Variants in MDGA2 observed in about 807,000 individuals in gnomAD.
MDGA2 encodes MAM domain containing glycosylphosphatidylinositol anchor 2.
MDGA2 carries 40 observed loss-of-function variants against 117.8 expected under a neutral mutation model. The observed-to-expected ratio is 0.34, with a 90% CI of 0.26 to 0.44. The LOEUF (loss-of-function observed/expected upper bound fraction) is 0.44, where lower values mean the gene tolerates loss of function less well. MDGA2 is among the 20% of genes least tolerant of loss of function. MDGA2 has a pLI of 1.00. For missense variants in MDGA2, 1,123 were observed against 1,250.6 expected, an observed-to-expected ratio of 0.90 and a Z score of 1.54; for synonymous variants, 452 against 439.0, an observed-to-expected ratio of 1.03 and a Z score of -0.37.
chr14:47,499,636 C>A (rs115031097), intron 1 of MDGA2, among the ~76,000 whole-genome samples: 2,247 of 152,124 alleles, frequency 0.015, 50 homozygotes, highest in African/African-American at 0.051. Flanking sequence ...CAGCTTCCAG[C>A]AATAGAGATG....
At chr14:47,356,346 T>C (rs1324750954) in intron 1 of MDGA2, among the ~76,000 whole-genome samples, 1 of 152,190 alleles carries the variant, frequency 6.6e-6, no homozygotes, top group Non-Finnish European at 1.5e-5. Flanking sequence ...CCTCAATTGA[T>C]AGTAAAGCCC....
Position 47,674,627 on chromosome 14 carries a change from C to G in MDGA2, c.170G>C (p.Arg57Pro). 6.5e-7 allele frequency: 1 copy of G among 1,533,662 alleles called. No homozygotes were observed. The highest frequency in any genetic ancestry group is 8.8e-7 in the Non-Finnish European group (1 of 1,131,352). The part of the protein sequence containing the change: ...LAAGLLKVPL[R>P]TPWAGYVHVH... Reference sequence around the variant, plus strand: ...ATGAACATATCCAGCCCAGGGGGTACGCAACGGGACCTTCAGGAGGCCGGC... The same window carrying G: ...ATGAACATATCCAGCCCAGGGGGTAGGCAACGGGACCTTCAGGAGGCCGGC... Residue 57 changes from arginine to proline, a missense_variant, in exon 1 of 17, where the codon CGT becomes CCT. By Grantham distance (103) the Arg-to-Pro change is moderately radical. Around this residue, in one of 2 missense-constraint regions of MDGA2, gnomAD observed 233 missense variants for 200.3 expected, o/e 1.16. Transcript: ENST00000399232.
chr14:46,965,313 ACT>A (rs140233463), intron 8 of MDGA2, among the ~76,000 whole-genome samples: 2 of 151,458 alleles, frequency 1.3e-5, no homozygotes, highest in Non-Finnish European at 2.9e-5. Context: ...GTTTTTCTAG[ACT>A]CTCTCTATAT....
At chr14:47,008,645 G>A (rs1397172318) in intron 8 of MDGA2, among the ~76,000 whole-genome samples, 1 of 151,884 alleles carries the variant, frequency 6.6e-6, no homozygotes, top group Non-Finnish European at 1.5e-5. Context: ...AATCAGGTGT[G>A]TGATTTAGTT....
At chr14:47,079,776 G>A (rs982992260) in intron 6 of MDGA2, among the ~76,000 whole-genome samples, 1 of 115,892 alleles carries the variant, frequency 8.6e-6, no homozygotes, top group East Asian at 3.0e-4. Context: ...CTGTCGCCCA[G>A]GCTGGAGTGC....
chr14:47,466,105 G>A (rs1893597944), intron 1 of MDGA2, among the ~76,000 whole-genome samples: 1 of 152,078 alleles, frequency 6.6e-6, no homozygotes, highest in African/African-American at 2.4e-5. Context: ...ACCTATAAGT[G>A]GGAGCTAAAT....
chr14:47,252,495 C>T (rs1887479908), intron 2 of MDGA2, among the ~76,000 whole-genome samples: 1 of 151,990 alleles, frequency 6.6e-6, no homozygotes, highest in Admixed American at 6.6e-5. Context: ...ATCTAGTAAG[C>T]TCCTGATAGC....
chr14:47,437,932 A>C (rs1430518715), intron 1 of MDGA2, among the ~76,000 whole-genome samples: 1 of 152,158 alleles, frequency 6.6e-6, no homozygotes, highest in Non-Finnish European at 1.5e-5. Context: ...CATAAGGTCA[A>C]GTCTTATGTG....
chr14:46,982,705 C>CAA (rs59530070), intron 8 of MDGA2, among the ~76,000 whole-genome samples: 38 of 45,936 alleles, frequency 8.3e-4, no homozygotes, highest in East Asian at 2.0e-3. Flanking sequence ...GAGACTCCAT[C>CAA]AAAAAAAAAA....
In MDGA2 at chr14:46,889,147, C is replaced by T. The variant is rs559670262; in HGVS notation, c.2239-6926G>A. Among the ~76,000 whole-genome samples, 17 of 152,000 alleles carry T rather than the reference C, an allele frequency of 1.1e-4. No individual in the cohort carries two copies. In the South Asian group the frequency reaches 3.3e-3, roughly 30 times the overall value. ...GGAAAGGAGATAATAACTAACATGG[C>T]GTTAAATGAGTCTTATTTTTATTTT... On this transcript the variant is annotated intron_variant, in intron 10 of 16. Transcript: ENST00000399232.
intron 3 of MDGA2, among the ~76,000 whole-genome samples, chr14:47,150,270 T>C (rs576734677): frequency 1.3e-5 from 2 of 152,340 alleles, no homozygotes; most frequent in Admixed American, 6.5e-5. Context: ...GACTCTGGCA[T>C]AGCTGAGGAT....
chr14:47,499,750 A>C (rs910892961), intron 1 of MDGA2, among the ~76,000 whole-genome samples: 8 of 152,138 alleles, frequency 5.3e-5, no homozygotes, highest in Non-Finnish European at 8.8e-5. Context: ...CACGACATCC[A>C]GGCTCTGTCT....
chr14:47,649,607 C>T (rs946702673), intron 1 of MDGA2, among the ~76,000 whole-genome samples: 6 of 152,038 alleles, frequency 3.9e-5, no homozygotes, highest in African/African-American at 1.2e-4. Context: ...ATCGCTTGAA[C>T]CTGGGAGGCA....
chr14:46,851,107 T>G (rs12882157), intron 15 of MDGA2, among the ~76,000 whole-genome samples: 27,717 of 151,716 alleles, frequency 0.18, 3,206 homozygotes, highest in Non-Finnish European at 0.25. Flanking sequence ...AGCATTTGTA[T>G]CTTAATTTTC....
chr14:47,132,941 T>G (rs904451035), intron 4 of MDGA2, among the ~76,000 whole-genome samples: 3 of 151,878 alleles, frequency 2.0e-5, no homozygotes, highest in Non-Finnish European at 2.9e-5. Context: ...ATAAAAACAC[T>G]GCTGTTCATT....
chr14:46,987,631 G>A (rs1239164677), intron 8 of MDGA2, among the ~76,000 whole-genome samples: 4 of 151,946 alleles, frequency 2.6e-5, no homozygotes, highest in Non-Finnish European at 4.4e-5. Flanking sequence ...GTATCTCACC[G>A]TTTTTGTTTA....
chr14:47,353,749 A>G (rs894608763), intron 1 of MDGA2, among the ~76,000 whole-genome samples: 10 of 152,160 alleles, frequency 6.6e-5, no homozygotes, highest in African/African-American at 2.4e-4. Context: ...ACTAGAATCA[A>G]TCCTTCTCAA....
chr14:47,103,225 G>C (rs1352736289), intron 5 of MDGA2, among the ~76,000 whole-genome samples: 5 of 152,204 alleles, frequency 3.3e-5, no homozygotes, highest in Admixed American at 1.3e-4. Context: ...TGTGCTTACA[G>C]ATTCAAGGAA....
intron 1 of MDGA2, among the ~76,000 whole-genome samples, chr14:47,440,986 AC>A (rs1429503328): frequency 2.6e-5 from 4 of 152,102 alleles, no homozygotes; most frequent in African/African-American, 9.7e-5. Context: ...AACATTCCAT[AC>A]CTTCAGCTGT....
Sources: gnomAD v4.1 joint callset for allele counts (sites outside exome capture counted in the v4.1 genomes callset) on GRCh38, gnomAD v4.1.1 for gene constraint, gnomAD v4.1.1 regional missense constraint, MANE v1.5 for transcripts, NCBI Gene and HGNC (gene_info 2026-07-23, HGNC 2026-07-21) for gene names.